The following MSRB3 variants were observed in gnomAD, a reference collection of about 807,000 sequenced individuals.
The protein encoded by MSRB3 is methionine sulfoxide reductase B3.
MSRB3 carries 13 observed loss-of-function variants against 21.0 expected under a neutral mutation model. The observed-to-expected ratio is 0.62, with a 90% CI of 0.40 to 0.98. MSRB3 has a LOEUF of 0.98. Ranked by LOEUF, MSRB3 falls within the 50% of genes least tolerant of loss-of-function variation. The probability of loss-of-function intolerance (pLI) is 0.00; values close to 1 mark genes in which losing one functional copy is unlikely to be tolerated. For synonymous variants in MSRB3, 87 were observed against 88.6 expected, an observed-to-expected ratio of 0.98 and a Z score of 0.10; for missense variants, 199 against 230.3, an observed-to-expected ratio of 0.86 and a Z score of 0.88.
At chr12:65,330,352 G>A (rs1470720326) in intron 4 of MSRB3, among the ~76,000 whole-genome samples, 1 of 152,134 alleles carries the variant, frequency 6.6e-6, no homozygotes, top group African/African-American at 2.4e-5. Flanking sequence ...TACAAGGAGA[G>A]CTTTTATTTT....
intron 4 of MSRB3, chr12:65,344,136 A>G (rs1376500506): frequency 6.6e-6 from 1 of 152,154 alleles, no homozygotes; most frequent in Non-Finnish European, 1.5e-5. Flanking sequence ...TTGATACTGA[A>G]CAGTGTAAGG....
intron 2 of MSRB3, 132 bp downstream of exon 2, chr12:65,308,787 A>C: frequency 8.1e-7 from 1 of 1,239,660 alleles, no homozygotes; most frequent in Non-Finnish European, 1.2e-6. Flanking sequence ...GAAGACGGAA[A>C]TTGGTTATAA....
intron 5 of MSRB3, among the ~76,000 whole-genome samples, chr12:65,432,307 T>A (rs960069947): frequency 6.6e-6 from 1 of 151,992 alleles, no homozygotes; most frequent in African/African-American, 2.4e-5. Flanking sequence ...ATGCTGTTTA[T>A]AACAAGCTGA....
At chr12:65,375,285 C>T (rs1210079479) in intron 5 of MSRB3, among the ~76,000 whole-genome samples, 1 of 152,142 alleles carries the variant, frequency 6.6e-6, no homozygotes, top group Non-Finnish European at 1.5e-5. Context: ...GTAAGTCTCT[C>T]TTTCGAATAA....
intron 1 of MSRB3, among the ~76,000 whole-genome samples, chr12:65,282,680 T>G (rs1324851866): frequency 6.6e-6 from 1 of 150,926 alleles, no homozygotes; most frequent in Non-Finnish European, 1.5e-5. Flanking sequence ...GCTGGTGTTT[T>G]TTTTTTTTTT....
intron 6 of MSRB3, among the ~76,000 whole-genome samples, chr12:65,461,205 C>T (rs533877177): frequency 7.2e-5 from 11 of 152,112 alleles, no homozygotes; most frequent in South Asian, 4.2e-4. Context: ...GCACTGGTTC[C>T]TGTTGGACAG....
At chr12:65,422,148 T>C (rs1881334191) in intron 5 of MSRB3, among the ~76,000 whole-genome samples, 1 of 151,766 alleles carries the variant, frequency 6.6e-6, no homozygotes, top group Non-Finnish European at 1.5e-5. Context: ...CATTACATAA[T>C]GGCAAAGGGC....
In MSRB3 at chr12:65,278,738, C is replaced by G. The variant is rs1871803716; in HGVS notation, c.-179C>G. 6.4e-7 allele frequency: 1 copy of G among 1,563,688 alleles called. No homozygotes were observed. ...AGCCGGGGAGGGAGGGAGCGAGGTT[C>G]GGACACCGGCGGCGGCTGCCTGGCC... On this transcript the variant is annotated 5_prime_UTR_variant, in exon 1 of 7. Coordinates refer to ENST00000308259, the MANE Select transcript of MSRB3 (RefSeq NM_001031679.3).
chr12:65,440,542 T>G (rs772306321), intron 5 of MSRB3, among the ~76,000 whole-genome samples: 135 of 152,008 alleles, frequency 8.9e-4, no homozygotes, highest in Middle Eastern at 3.4e-3. Context: ...CCTGAGACTT[T>G]TGTAATTTTT....
intron 2 of MSRB3, among the ~76,000 whole-genome samples, chr12:65,314,694 T>C (rs1002000773): frequency 1.3e-5 from 2 of 152,244 alleles, no homozygotes; most frequent in African/African-American, 4.8e-5. Flanking sequence ...ATTCTTTATA[T>C]ACCTTAAGAA....
chr12:65,294,240 C>A lies in MSRB3; in HGVS notation c.-51-14289C>A, dbSNP rs537711123. Among the ~76,000 whole-genome samples, 33 of 152,302 alleles carry A rather than the reference C, an allele frequency of 2.2e-4. No individual in the cohort carries two copies. In the East Asian group the frequency reaches 6.4e-3, roughly 29 times the overall value. The stretch of plus-strand genomic sequence containing the variant: ...GTGTCTCCTGTTGGATCCAGATAGA[C>A]CCTGTGAGTTTTAAGCTCCATACCT... On this transcript the variant is annotated intron_variant, in intron 1 of 6. Coordinates refer to ENST00000308259, the MANE Select transcript of MSRB3 (RefSeq NM_001031679.3).
At chr12:65,349,978 C>A (rs1876825754) in intron 4 of MSRB3, among the ~76,000 whole-genome samples, 1 of 152,132 alleles carries the variant, frequency 6.6e-6, no homozygotes, top group South Asian at 2.1e-4. Flanking sequence ...ACATGACGTC[C>A]TTGCCCATGC....
At chr12:65,395,210 T>C (rs937941131) in intron 5 of MSRB3, among the ~76,000 whole-genome samples, 1 of 152,206 alleles carries the variant, frequency 6.6e-6, no homozygotes, top group African/African-American at 2.4e-5. Flanking sequence ...CTCACACCTG[T>C]AATCCCTGTA....
intron 4 of MSRB3, among the ~76,000 whole-genome samples, chr12:65,352,080 A>C (rs949204288): frequency 7.9e-5 from 12 of 151,836 alleles, no homozygotes; most frequent in African/African-American, 2.7e-4. Context: ...TACTGGCAAA[A>C]CGAATCCAGC....
Position 65,303,366 on chromosome 12 carries a change from G to T in MSRB3, c.-51-5163G>T, listed in dbSNP as rs12312361. ...ACTTTAATCAAATTTTTGGATGTTA[G>T]AATTCACGGGGGAGATGAAGAAGTA... On this transcript the variant is annotated intron_variant, in intron 1 of 6. Transcript: ENST00000308259. 8.0e-3 allele frequency among the ~76,000 whole-genome samples: 1,224 copies of T among 152,238 alleles called. 18 individuals are homozygous for T. The highest frequency in any genetic ancestry group is 0.028 in the African/African-American group (1,181 of 41,550).
intron 5 of MSRB3, among the ~76,000 whole-genome samples, chr12:65,393,630 CAAAAAA>C (rs59417371): frequency 1.5e-4 from 14 of 90,628 alleles, no homozygotes; most frequent in African/African-American, 1.3e-4. Flanking sequence ...GACTCCGTCG[CAAAAAA>C]AAAAAAAAAA....
intron 4 of MSRB3, among the ~76,000 whole-genome samples, chr12:65,357,379 C>T (rs1024334172): frequency 2.7e-4 from 41 of 151,824 alleles, no homozygotes; most frequent in Non-Finnish European, 5.0e-4. Context: ...TTTAAAAAAT[C>T]GACTTCATTT....
At chr12:65,368,945 T>G in intron 4 of MSRB3, 53 bp from the exon 5 acceptor site, 1 of 521,922 alleles carries the variant, frequency 1.9e-6, no homozygotes, top group Non-Finnish European at 3.4e-6. Flanking sequence ...CATGAAATAA[T>G]TGTTCTTTTA....
At chr12:65,344,153 A>G (rs1876329658) in intron 4 of MSRB3, 1 of 152,110 alleles carries the variant, frequency 6.6e-6, no homozygotes, top group African/African-American at 2.4e-5. Flanking sequence ...AAGGATTGGT[A>G]TACACAGTAG....
Sources: gnomAD v4.1 joint callset for allele counts (sites outside exome capture counted in the v4.1 genomes callset) on GRCh38, gnomAD v4.1.1 for gene constraint, MANE v1.5 for transcripts, NCBI Gene and HGNC (gene_info 2026-07-23, HGNC 2026-07-21) for gene names.